CHD7: variants seen among roughly 807,000 people sequenced by gnomAD.
The protein encoded by CHD7 is ATP-dependent chromatin remodeler CHD7.
Under a neutral mutation model 307.3 loss-of-function variants are expected in CHD7, and 24 were observed. The observed-to-expected ratio is 0.08, with a 90% CI of 0.06 to 0.11. The LOEUF (loss-of-function observed/expected upper bound fraction) is 0.11, where lower values mean the gene tolerates loss of function less well. CHD7 is among the 10% of genes least tolerant of loss of function. CHD7 has a pLI of 1.00. For synonymous variants in CHD7, 1,363 were observed against 1,349.9 expected (o/e 1.01, Z -0.21); for missense variants, 3,106 against 3,727.1 (o/e 0.83, Z 4.34).
At chr8:60,780,390 T>G (rs1386325733) in intron 2 of CHD7, among the ~76,000 whole-genome samples, 1 of 152,250 alleles carries the variant, frequency 6.6e-6, no homozygotes, top group Non-Finnish European at 1.5e-5. Context: ...CCACCTTTCA[T>G]GTCAATGCAA....
intron 2 of CHD7, among the ~76,000 whole-genome samples, chr8:60,744,271 C>T (rs753862245): frequency 1.1e-4 from 16 of 152,068 alleles, no homozygotes; most frequent in Non-Finnish European, 2.4e-4. Context: ...GGAATTTGGA[C>T]TTAAACGGGG....
At position 60,861,011 on chromosome 8, in the gene CHD7, C is replaced by G. The variant is rs373347581; in HGVS notation, c.7716C>G (p.Ile2572Met). ...ACCCAGACACACGGATCCCTGTTAT[C>G]AATCTTGAAGATGGGACTAGGCTGG... ...QLDPDTRIPVINLEDGTRLVG... is the reference protein window; with the variant it reads ...QLDPDTRIPVMNLEDGTRLVG... Residue 2572 changes from isoleucine (I) to methionine (M), a missense_variant, in exon 35 of 38, where the codon ATC becomes ATG. Coordinates refer to ENST00000423902, the MANE Select transcript of CHD7 (RefSeq NM_017780.4). 5.0e-6 allele frequency: 8 copies of G among 1,613,872 alleles called. No individual in the cohort carries two copies. The highest frequency in any genetic ancestry group is 6.8e-6 in the Non-Finnish European group (8 of 1,179,882).
In CHD7 at chr8:60,841,678, T is replaced by C; in HGVS notation, c.4568T>C (p.Ile1523Thr). The stretch of plus-strand genomic sequence containing the variant: ...GTTGCATCTGGAAATAGGACAGATA[T>C]TTCCTTGGATGATCCAAATTTCTGG... ...SFVASGNRTD[I>T]SLDDPNFWQK... is the part of the protein sequence containing the mutation. The change falls in exon 20 of 38, where the codon ATT (isoleucine) becomes ACT (threonine). Residue 1523 changes from isoleucine to threonine, a missense_variant. Physicochemically the swap from Ile to Thr is moderately conservative, Grantham distance 89. This residue lies in a region of CHD7 where 93 missense variants were observed against 176.4 expected (regional missense o/e 0.53). Coordinates refer to ENST00000423902, the MANE Select transcript of CHD7 (RefSeq NM_017780.4). The C allele has an allele frequency of 6.2e-7, 1 of 1,609,252 alleles. No individual in the cohort carries two copies.
chr8:60,683,290 C>T (rs1292352748), intron 1 of CHD7, among the ~76,000 whole-genome samples: 2 of 152,108 alleles, frequency 1.3e-5, no homozygotes, highest in Admixed American at 6.5e-5. Flanking sequence ...GATCAATAAT[C>T]GCTTGGTTTT....
At chr8:60,803,378 C>G (rs907655444) in intron 6 of CHD7, among the ~76,000 whole-genome samples, 1 of 152,108 alleles carries the variant, frequency 6.6e-6, no homozygotes, top group Non-Finnish European at 1.5e-5. Flanking sequence ...ATTGCTTTTT[C>G]TTTCTGTTTT....
chr8:60,858,111 C>G (rs113175221), intron 34 of CHD7, among the ~76,000 whole-genome samples: 50 of 152,286 alleles, frequency 3.3e-4, no homozygotes, highest in African/African-American at 1.2e-3. Flanking sequence ...TAAAAATTAG[C>G]CTGGTCTGGT....
chr8:60,785,718 C>T (rs977317047), intron 3 of CHD7, among the ~76,000 whole-genome samples: 1 of 152,096 alleles, frequency 6.6e-6, no homozygotes, highest in Non-Finnish European at 1.5e-5. Flanking sequence ...AAAAGTAACC[C>T]ATTATGCTAG....
At chr8:60,840,816 C>T (rs1372995005) in intron 19 of CHD7, among the ~76,000 whole-genome samples, 1 of 152,024 alleles carries the variant, frequency 6.6e-6, no homozygotes, top group African/African-American at 2.4e-5. Flanking sequence ...CAGGGTTTCA[C>T]CATGTTAGCC....
chr8:60,750,726 C>T (rs541630132), intron 2 of CHD7, among the ~76,000 whole-genome samples: 1 of 152,354 alleles, frequency 6.6e-6, no homozygotes, highest in South Asian at 2.1e-4. Flanking sequence ...ATCTCAGTTG[C>T]TCAGTGACCA....
intron 2 of CHD7, among the ~76,000 whole-genome samples, chr8:60,773,417 C>T (rs1222754039): frequency 6.6e-6 from 1 of 152,156 alleles, no homozygotes; most frequent in African/African-American, 2.4e-5. Flanking sequence ...TATAAACAAG[C>T]TAATTTTTGC....
intron 2 of CHD7, among the ~76,000 whole-genome samples, chr8:60,770,432 T>C (rs1184714335): frequency 1.3e-5 from 2 of 152,180 alleles, no homozygotes; most frequent in Non-Finnish European, 2.9e-5. Context: ...TGAACCTCCC[T>C]CTTTTTGACC....
intron 24 of CHD7, 144 bp downstream of exon 24, chr8:60,848,748 G>A (rs1414110859): frequency 1.7e-5 from 12 of 717,632 alleles, no homozygotes; most frequent in South Asian, 3.2e-5. Flanking sequence ...TTTGTCCTTC[G>A]TGCTTGGGGA....
At chr8:60,844,725 C>A (rs1253253893) in intron 21 of CHD7, 139 bp from the exon 22 acceptor site, 6 of 650,082 alleles carry the variant, frequency 9.2e-6, no homozygotes, top group Non-Finnish European at 1.5e-5. Flanking sequence ...ACTCTTGCAC[C>A]CTGGATTTCT....
At position 60,708,055 on chromosome 8, in the gene CHD7, G is replaced by C. The variant is rs375950723; in HGVS notation, c.-175+28973G>C. On this transcript the variant is annotated intron_variant, in intron 1 of 37. Coordinates refer to ENST00000423902, the MANE Select transcript of CHD7 (RefSeq NM_017780.4). The stretch of plus-strand genomic sequence containing the variant: ...GAATCTACTATAACCAGAGAGAGCG[G>C]TGATAAAGGTCGAAGGGTGGTGCGT... 6.6e-5 allele frequency among the ~76,000 whole-genome samples: 10 copies of C among 152,328 alleles called. No homozygotes were observed. The South Asian group carries it at 2.1e-3, about 32-fold the overall frequency.
At chr8:60,688,680 C>T (rs1357877339) in intron 1 of CHD7, among the ~76,000 whole-genome samples, 1 of 152,196 alleles carries the variant, frequency 6.6e-6, no homozygotes, top group Non-Finnish European at 1.5e-5. Context: ...TGTTCATCTC[C>T]TACCAGAGTT....
intron 13 of CHD7, among the ~76,000 whole-genome samples, chr8:60,827,624 C>A (rs979959784): frequency 2.0e-5 from 3 of 152,092 alleles, no homozygotes; most frequent in African/African-American, 7.2e-5. Context: ...CATGAAACTT[C>A]CTCAGAGACT....
At chr8:60,691,741 G>T (rs1806204288) in intron 1 of CHD7, among the ~76,000 whole-genome samples, 1 of 152,204 alleles carries the variant, frequency 6.6e-6, no homozygotes, top group South Asian at 2.1e-4. Flanking sequence ...CTTTAAGGAA[G>T]ATTAGAATAG....
intron 6 of CHD7, among the ~76,000 whole-genome samples, chr8:60,806,491 G>T (rs559860323): frequency 6.6e-6 from 1 of 152,324 alleles, no homozygotes; most frequent in East Asian, 1.9e-4. Flanking sequence ...CATTTATGTT[G>T]CTGGTTCTTG....
intron 2 of CHD7, among the ~76,000 whole-genome samples, chr8:60,765,204 T>TACACACAC (rs71245521): frequency 6.7e-6 from 1 of 150,018 alleles, no homozygotes; most frequent in Non-Finnish European, 1.5e-5. Context: ...GGGATATGCA[T>TACACACAC]ACACACACAC....
Sources: gnomAD v4.1 joint callset for allele counts (sites outside exome capture counted in the v4.1 genomes callset) on GRCh38, gnomAD v4.1.1 for gene constraint, gnomAD v4.1.1 regional missense constraint, MANE v1.5 for transcripts, NCBI Gene and HGNC (gene_info 2026-07-23, HGNC 2026-07-21) for gene names.